The following ST3GAL1 variants were observed in gnomAD, a reference collection of about 807,000 sequenced individuals.
ST3GAL1 encodes CMP-N-acetylneuraminate-beta-galactosamide-alpha-2,3-sialyltransferase 1.
A neutral mutation model predicts 34.1 loss-of-function variants in ST3GAL1; 16 were observed. The observed-to-expected ratio is 0.47, with a 90% CI of 0.32 to 0.71. The LOEUF is 0.71. ST3GAL1 is among the 30% of genes least tolerant of loss of function. The pLI is 0.04. For missense variants in ST3GAL1, 353 were observed against 447.4 expected, an observed-to-expected ratio of 0.79 and a Z score of 1.90; for synonymous variants, 191 against 184.7, an observed-to-expected ratio of 1.03 and a Z score of -0.28.
intron 1 of ST3GAL1, among the ~76,000 whole-genome samples, chr8:133,547,658 C>T (rs902750733): frequency 1.3e-5 from 2 of 152,198 alleles, no homozygotes; most frequent in African/African-American, 2.4e-5. Flanking sequence ...ATCAGCCTAA[C>T]ACAAACTGTG....
At chr8:133,479,358 G>C (rs1392516207) in intron 3 of ST3GAL1, among the ~76,000 whole-genome samples, 2 of 152,148 alleles carry the variant, frequency 1.3e-5, no homozygotes, top group Non-Finnish European at 2.9e-5. Context: ...GGGAATCTGA[G>C]CATGCAGCTG....
At position 133,556,162 on chromosome 8, in the gene ST3GAL1, C is replaced by A. The variant is rs1418028890; in HGVS notation, c.-581-10236G>T. On this transcript the variant is annotated intron_variant, in intron 1 of 9. Coordinates refer to ENST00000522652, the MANE Select transcript of ST3GAL1 (RefSeq NM_173344.3). This position sits in a 1 kb window ranked among gnomAD's most constrained non-coding sequence, Gnocchi z 8.9. Reference sequence around the variant, plus strand: ...CCACCCATCTCGGCCTCCCAAAGTGCTAGGATTGCAGGCATGAGCCACCAT... The same window carrying A: ...CCACCCATCTCGGCCTCCCAAAGTGATAGGATTGCAGGCATGAGCCACCAT... Among the ~76,000 whole-genome samples the A allele has an allele frequency of 6.6e-6, 1 of 152,190 alleles. No homozygotes were observed. The highest frequency in any genetic ancestry group is 1.5e-5 in the Non-Finnish European group (1 of 68,040).
At chr8:133,553,543 C>A (rs1818920665) in intron 1 of ST3GAL1, among the ~76,000 whole-genome samples, 1 of 152,250 alleles carries the variant, frequency 6.6e-6, no homozygotes, top group South Asian at 2.1e-4. Context: ...TCTCATCACT[C>A]AGTACCTGTG....
intron 2 of ST3GAL1, among the ~76,000 whole-genome samples, chr8:133,514,061 G>T (rs181616683): frequency 1.3e-5 from 2 of 152,146 alleles, no homozygotes; most frequent in Non-Finnish European, 2.9e-5. Context: ...TTGCAAAAAC[G>T]ATCATCACAA....
rs757938566 is a variant in ST3GAL1 at position 133,461,919 on chromosome 8, T to C, written c.805A>G (p.Thr269Ala). ...GAGAAGATGACCGAGAGGATGCCGGTAGATGGGTATCGCCCGTGCCCTTGC... is the reference window on the plus strand; with the variant it reads ...GAGAAGATGACCGAGAGGATGCCGGCAGATGGGTATCGCCCGTGCCCTTGC... ...WLQGHGRYPSTGILSVIFSMH... is the reference protein window; with the variant it reads ...WLQGHGRYPSAGILSVIFSMH... Residue 269 changes from threonine to alanine, a missense_variant, in exon 9 of 10, where the codon ACC becomes GCC. Coordinates refer to ENST00000522652, the MANE Select transcript of ST3GAL1 (RefSeq NM_173344.3). The surrounding 1 kb of genome is among the most constrained non-coding windows in gnomAD (Gnocchi z 4.7). The C allele has an allele frequency of 6.2e-7, 1 of 1,613,948 alleles. No individual in the cohort carries two copies.
At chr8:133,567,883 G>C (rs1404931819) in intron 1 of ST3GAL1, among the ~76,000 whole-genome samples, 1 of 151,428 alleles carries the variant, frequency 6.6e-6, no homozygotes, top group East Asian at 1.9e-4. Flanking sequence ...GCTTTTAATG[G>C]ACCCTCAGTG....
intron 3 of ST3GAL1, among the ~76,000 whole-genome samples, chr8:133,493,866 G>A (rs1185230570): frequency 1.4e-5 from 2 of 142,862 alleles, no homozygotes; most frequent in African/African-American, 2.6e-5. Flanking sequence ...AAAAAAAAGA[G>A]AGAGAGAGGC....
At chr8:133,546,092 C>T (rs1444069302) in intron 1 of ST3GAL1, among the ~76,000 whole-genome samples, 166 bp from the exon 2 acceptor site, 1 of 152,194 alleles carries the variant, frequency 6.6e-6, no homozygotes, top group Non-Finnish European at 1.5e-5. Flanking sequence ...ATTCTGTTCC[C>T]GGCACAGAGC....
At chr8:133,560,403 G>C (rs1157970789) in intron 1 of ST3GAL1, among the ~76,000 whole-genome samples, 1 of 152,034 alleles carries the variant, frequency 6.6e-6, no homozygotes, top group Non-Finnish European at 1.5e-5. Context: ...AATAAAGCCA[G>C]AATGTAACAG....
chr8:133,480,178 G>A (rs562021331), intron 3 of ST3GAL1, among the ~76,000 whole-genome samples: 40 of 152,352 alleles, frequency 2.6e-4, no homozygotes, highest in Non-Finnish European at 4.7e-4. Flanking sequence ...TGCTCAATAC[G>A]AGGAGGCATG....
intron 8 of ST3GAL1, 52 bp downstream of exon 8, chr8:133,463,362 C>A: frequency 6.2e-7 from 1 of 1,604,288 alleles, no homozygotes; most frequent in Non-Finnish European, 8.5e-7. Flanking sequence ...AGAGCAGAGC[C>A]TTAGATGAGG....
chr8:133,486,165 C>T (rs1355792580), intron 3 of ST3GAL1, among the ~76,000 whole-genome samples: 1 of 152,194 alleles, frequency 6.6e-6, no homozygotes, highest in African/African-American at 2.4e-5. Flanking sequence ...GTCAGGATTA[C>T]GGCCAATGCA....
chr8:133,515,262 T>A (rs1817609912), intron 2 of ST3GAL1, among the ~76,000 whole-genome samples: 1 of 152,238 alleles, frequency 6.6e-6, no homozygotes, highest in Non-Finnish European at 1.5e-5. Context: ...AGCCCCCTTC[T>A]GCTTTGTCCT....
At chr8:133,522,025 C>T (rs979930611) in intron 2 of ST3GAL1, among the ~76,000 whole-genome samples, 1 of 152,062 alleles carries the variant, frequency 6.6e-6, no homozygotes, top group Non-Finnish European at 1.5e-5. Context: ...CCAAACAAAA[C>T]AAAACAAAAA....
At chr8:133,533,195 T>C (rs563501375) in intron 2 of ST3GAL1, among the ~76,000 whole-genome samples, 1 of 152,150 alleles carries the variant, frequency 6.6e-6, no homozygotes, top group Non-Finnish European at 1.5e-5. Flanking sequence ...CCCATAGAAT[T>C]CCAAACCTCA....
At chr8:133,568,439 C>A (rs946413240) in intron 1 of ST3GAL1, among the ~76,000 whole-genome samples, 1 of 152,186 alleles carries the variant, frequency 6.6e-6, no homozygotes, top group Non-Finnish European at 1.5e-5. Flanking sequence ...CACAACGGAA[C>A]GAAGCTGCAT....
rs1018438803 is a variant in ST3GAL1 at position 133,537,984 on chromosome 8, T to A, written c.-429+7790A>T. Among the ~76,000 whole-genome samples, 18 of 152,220 alleles carry A rather than the reference T, an allele frequency of 1.2e-4. No individual in the cohort carries two copies. The South Asian group carries it at 1.2e-3, about 11-fold the overall frequency. On this transcript the variant is annotated intron_variant, in intron 2 of 9. Transcript: ENST00000522652. ...TACACTCTGAGGTCTGGAAGGTCTG[T>A]GCGTCTTCTGCTCCATTTTACACAT... is the stretch of plus-strand genomic sequence containing the variant.
At chr8:133,548,386 C>T (rs548950825) in intron 1 of ST3GAL1, among the ~76,000 whole-genome samples, 13 of 152,306 alleles carry the variant, frequency 8.5e-5, no homozygotes, top group African/African-American at 2.2e-4. Context: ...GAGACATCTT[C>T]GCTGACTCTG....
chr8:133,459,620 G>A lies in ST3GAL1; in HGVS notation c.*144C>T. On this transcript the variant is annotated 3_prime_UTR_variant, in exon 10 of 10. Coordinates refer to ENST00000522652, the MANE Select transcript of ST3GAL1 (RefSeq NM_173344.3). The surrounding 1 kb of genome is among the most constrained non-coding windows in gnomAD (Gnocchi z 4.7). ...CCTTGCTGAGTAGATGCTGCCAACG[G>A]CTGGGTGCAAGAGGCTGTGAGCGGT... 1.9e-6 allele frequency: 2 copies of A among 1,040,814 alleles called. No homozygotes were observed. Among genetic ancestry groups the A allele is most frequent in the Non-Finnish European group, 2.7e-6 (2 of 744,236 alleles). The allele number at this position is 1,040,814 out of a possible 1,614,324, so 64.5% of individuals were successfully genotyped here.
Sources: allele counts gnomAD v4.1 joint callset (sites outside exome capture counted in the v4.1 genomes callset), GRCh38; gene constraint gnomAD v4.1.1; non-coding constraint Gnocchi (gnomAD v3.1); transcripts MANE v1.5; gene names NCBI Gene and HGNC (gene_info 2026-07-23, HGNC 2026-07-21).